The following TPD52 variants were observed in gnomAD, a reference collection of about 807,000 sequenced individuals.
TPD52 encodes the protein prostate and colon associated protein.
TPD52 carries 17 observed loss-of-function variants against 31.3 expected under a neutral mutation model. The observed-to-expected ratio is 0.54, with a 90% CI of 0.37 to 0.82. The LOEUF is 0.82. TPD52 is among the 40% of genes least tolerant of loss of function. The pLI is 0.00. For synonymous variants in TPD52, 83 were observed against 89.6 expected, an observed-to-expected ratio of 0.93 and a Z score of 0.42; for missense variants, 212 against 240.1, an observed-to-expected ratio of 0.88 and a Z score of 0.77.
At chr8:80,072,075 C>T (rs1262439585) in intron 1 of TPD52, among the ~76,000 whole-genome samples, 1 of 152,160 alleles carries the variant, frequency 6.6e-6, no homozygotes, top group Non-Finnish European at 1.5e-5. Context: ...CTTTGGGAGA[C>T]CCAGGCAGGC....
chr8:80,119,939 G>T, intron 1 of TPD52: 1 of 327,168 alleles, frequency 3.1e-6, no homozygotes, highest in South Asian at 2.5e-5. Context: ...AAAAACTACA[G>T]GACATTAATA....
At chr8:80,129,694 C>T (rs1326832670) in intron 1 of TPD52, among the ~76,000 whole-genome samples, 1 of 146,560 alleles carries the variant, frequency 6.8e-6, no homozygotes, top group East Asian at 2.0e-4. Context: ...CAAATCCTAA[C>T]TCTCATTTCT....
At chr8:80,042,436 A>C in intron 7 of TPD52, 184 bp downstream of exon 7, 1 of 985,502 alleles carries the variant, frequency 1.0e-6, no homozygotes, top group Non-Finnish European at 1.2e-6. Flanking sequence ...ACACTACAGC[A>C]TACACTAAAA....
chr8:80,141,230 G>GACT (rs1809808675), intron 1 of TPD52, among the ~76,000 whole-genome samples: 1 of 152,088 alleles, frequency 6.6e-6, no homozygotes, highest in Non-Finnish European at 1.5e-5. Context: ...TCCAGCTACA[G>GACT]ACGCCCTGTA....
chr8:80,052,925 G>T, intron 3 of TPD52: 1 of 237,976 alleles, frequency 4.2e-6, no homozygotes, highest in East Asian at 1.3e-4. Context: ...AACTTAATTT[G>T]TCTGAGCCTG....
At chr8:80,048,586 A>T (rs2130487482) in intron 5 of TPD52, among the ~76,000 whole-genome samples, 1 of 152,360 alleles carries the variant, frequency 6.6e-6, no homozygotes, top group South Asian at 2.1e-4. Flanking sequence ...TTCCTTGGGT[A>T]GTTCTTGAGG....
At chr8:80,112,195 T>A (rs1341649278) in intron 1 of TPD52, among the ~76,000 whole-genome samples, 1 of 152,234 alleles carries the variant, frequency 6.6e-6, no homozygotes, top group Non-Finnish European at 1.5e-5. Flanking sequence ...TAACACTAAG[T>A]GTGTACCAGG....
chr8:80,125,148 T>C lies in TPD52; in HGVS notation c.19+46277A>G, dbSNP rs528214189. On this transcript the variant is annotated intron_variant, in intron 1 of 7. Transcript: ENST00000518937. ...AAGAGGGAGCCAAGGAGCAAGAGCA[T>C]GAAGGACTACAGAGTCCAACAGATA... Among the ~76,000 whole-genome samples, 8 of 152,286 alleles carry C rather than the reference T, an allele frequency of 5.3e-5. No individual in the cohort carries two copies. The South Asian group carries it at 1.7e-3, about 32-fold the overall frequency.
chr8:80,063,112 C>A (rs1383785807), intron 2 of TPD52, among the ~76,000 whole-genome samples: 2 of 152,190 alleles, frequency 1.3e-5, no homozygotes, highest in Non-Finnish European at 1.5e-5. Flanking sequence ...GTTCCTAACT[C>A]ACTACCCACC....
At chr8:80,170,356 C>G (rs113832093) in intron 1 of TPD52, among the ~76,000 whole-genome samples, 2,490 of 152,132 alleles carry the variant, frequency 0.016, 27 homozygotes, top group Non-Finnish European at 0.024. Flanking sequence ...GCAGAGGTTG[C>G]AGTGAGCTGA....
downstream of TPD52, chr8:80,033,255 C>T (rs1397215396): frequency 6.7e-6 from 1 of 149,808 alleles, no homozygotes. Context: ...GTGTGGGCTC[C>T]CAGAAGGGCT....
chr8:80,170,195 A>G (rs60897018), intron 1 of TPD52, among the ~76,000 whole-genome samples: 25,733 of 152,016 alleles, frequency 0.17, 3,722 homozygotes, highest in African/African-American at 0.39. Flanking sequence ...CGGGTGGATC[A>G]CCTGAGGTCA....
At chr8:80,084,943 T>A (rs941455897) in intron 1 of TPD52, among the ~76,000 whole-genome samples, 4 of 152,218 alleles carry the variant, frequency 2.6e-5, no homozygotes, top group African/African-American at 4.8e-5. Flanking sequence ...AAAAATGGAT[T>A]ATTTAAATGC....
chr8:80,068,455 T>C (rs769044246), intron 1 of TPD52, among the ~76,000 whole-genome samples: 10 of 152,176 alleles, frequency 6.6e-5, no homozygotes, highest in African/African-American at 1.7e-4. Context: ...GGATCCCTGG[T>C]TTGAAAGTCA....
At chr8:80,090,778 G>A (rs4740098) in intron 1 of TPD52, among the ~76,000 whole-genome samples, 106,238 of 152,016 alleles carry the variant, frequency 0.7, 37,933 homozygotes, top group African/African-American at 0.86. Flanking sequence ...GCAGGCATAT[G>A]CAAATTATTT....
chr8:80,131,740 G>A (rs1425860556), intron 1 of TPD52, among the ~76,000 whole-genome samples: 4 of 152,262 alleles, frequency 2.6e-5, no homozygotes, highest in Middle Eastern at 3.4e-3. Context: ...CTCAGTGGCC[G>A]CTCACAGCCA....
chr8:80,099,703 G>C (rs539486963), intron 1 of TPD52, among the ~76,000 whole-genome samples: 1 of 152,096 alleles, frequency 6.6e-6, no homozygotes, highest in African/African-American at 2.4e-5. Context: ...TAGAGACGGG[G>C]TTTTACCATG....
intron 1 of TPD52, among the ~76,000 whole-genome samples, chr8:80,077,930 C>A (rs1375598476): frequency 6.6e-6 from 1 of 152,194 alleles, no homozygotes; most frequent in Non-Finnish European, 1.5e-5. Flanking sequence ...CAGATGAGCA[C>A]TTTAAAAGAA....
At chr8:80,144,912 T>C (rs748334704) in intron 1 of TPD52, among the ~76,000 whole-genome samples, 20 of 152,092 alleles carry the variant, frequency 1.3e-4, no homozygotes, top group Admixed American at 1.3e-3. Context: ...ATAAGCATAG[T>C]ATCTATTCAA....
Sources: allele counts gnomAD v4.1 joint callset (sites outside exome capture counted in the v4.1 genomes callset), GRCh38; gene constraint gnomAD v4.1.1; transcripts MANE v1.5; gene names NCBI Gene and HGNC (gene_info 2026-07-23, HGNC 2026-07-21).